The following RIGI variants were observed in gnomAD, a reference collection of about 807,000 sequenced individuals.
RIGI encodes RNA sensor RIG-I.
the RIGI span, chr9:32,466,500 C>A: frequency 7.0e-7 from 1 of 1,435,228 alleles, no homozygotes. Flanking sequence ...ATATAATCTG[C>A]AAATAGGTAA....
At chr9:32,507,881 T>G in the RIGI span, among the ~76,000 whole-genome samples, 1 of 152,154 alleles carries the variant, frequency 6.6e-6, no homozygotes, top group African/African-American at 2.4e-5. Context: ...TGGATTCTGC[T>G]TTCTGACTCA....
the RIGI span, among the ~76,000 whole-genome samples, chr9:32,498,982 C>CAAAAA: frequency 1.0e-5 from 1 of 97,588 alleles, no homozygotes; most frequent in African/African-American, 3.9e-5. Context: ...GACTCTGTCT[C>CAAAAA]AAAAAAAAAA....
chr9:32,479,776 G>C, the RIGI span, among the ~76,000 whole-genome samples: 1 of 150,840 alleles, frequency 6.6e-6, no homozygotes, highest in African/African-American at 2.4e-5. Context: ...GGCAGAGGTT[G>C]CAGTGAGCCA....
At chr9:32,487,636 G>C in the RIGI span, 1 of 1,611,970 alleles carries the variant, frequency 6.2e-7, no homozygotes, top group Non-Finnish European at 8.5e-7. Context: ...CCAATGACCT[G>C]TAAGGAGCAT....
chr9:32,471,582 C>T, the RIGI span, among the ~76,000 whole-genome samples: 4 of 152,108 alleles, frequency 2.6e-5, no homozygotes, highest in African/African-American at 7.2e-5. Context: ...GGATGCTATG[C>T]GAATGTGGAA....
the RIGI span, among the ~76,000 whole-genome samples, chr9:32,479,090 C>G: frequency 6.6e-6 from 1 of 152,098 alleles, no homozygotes; most frequent in Non-Finnish European, 1.5e-5. Context: ...AAACTATATA[C>G]CAACAACCAT....
chr9:32,493,618 G>A, the RIGI span: 84 of 551,140 alleles, frequency 1.5e-4, no homozygotes, highest in South Asian at 6.0e-4. Flanking sequence ...GCGAGACTCC[G>A]TCTCAAAAAA....
At chr9:32,488,821 T>C in the RIGI span, 1 of 1,613,398 alleles carries the variant, frequency 6.2e-7, no homozygotes. Context: ...TTTCCCCTTT[T>C]GTCCTTGTGG....
At chr9:32,523,603 G>A in the RIGI span, among the ~76,000 whole-genome samples, 2 of 151,990 alleles carry the variant, frequency 1.3e-5, no homozygotes, top group East Asian at 1.9e-4. Context: ...TTCCAAATGT[G>A]TCTTGAATCC....
the RIGI span, among the ~76,000 whole-genome samples, chr9:32,458,452 T>C: frequency 6.6e-6 from 1 of 152,230 alleles, no homozygotes; most frequent in African/African-American, 2.4e-5. Flanking sequence ...TTTGTTTTTC[T>C]GTAGCAAGGT....
the RIGI span, among the ~76,000 whole-genome samples, chr9:32,502,869 G>A: frequency 6.6e-6 from 1 of 152,140 alleles, no homozygotes; most frequent in Non-Finnish European, 1.5e-5. Flanking sequence ...TTTTCTTAGA[G>A]GGACACCAGT....
At chr9:32,474,202 C>CA in the RIGI span, among the ~76,000 whole-genome samples, 1,130 of 50,096 alleles carry the variant, frequency 0.023, 56 homozygotes, top group African/African-American at 0.025. Context: ...GACCCTGTCT[C>CA]AAAAAAAAAA....
the RIGI span, chr9:32,500,778 A>T: frequency 3.1e-6 from 5 of 1,603,210 alleles, no homozygotes; most frequent in Non-Finnish European, 4.2e-6. Context: ...ATATCCTCTG[A>T]TTTGTGATTA....
chr9:32,477,110 C>T, the RIGI span: 2 of 1,613,544 alleles, frequency 1.2e-6, no homozygotes, highest in Non-Finnish European at 1.7e-6. Context: ...CCTGGAAACA[C>T]TTTCTAGTTC....
the RIGI span, chr9:32,491,458 A>G: frequency 6.6e-7 from 1 of 1,521,120 alleles, no homozygotes; most frequent in African/African-American, 1.4e-5. Context: ...TCTTCACATA[A>G]TCTGATTATA....
chr9:32,459,385 C>T, the RIGI span: 17 of 1,613,498 alleles, frequency 1.1e-5, no homozygotes, highest in East Asian at 2.2e-5. Context: ...ATCACTCTTA[C>T]GTCAGCTGTG....
At chr9:32,487,845 G>T in the RIGI span, 7 of 1,417,288 alleles carry the variant, frequency 4.9e-6, no homozygotes, top group Non-Finnish European at 6.7e-6. Context: ...TATGGACTTG[G>T]GACCTGAGAA....
the RIGI span, chr9:32,480,407 T>C: frequency 6.8e-7 from 1 of 1,471,620 alleles, no homozygotes; most frequent in Non-Finnish European, 9.2e-7. Flanking sequence ...ACACATTCAC[T>C]GTATTTAAGT....
chr9:32,507,323 TGGA>T, the RIGI span, among the ~76,000 whole-genome samples: 39 of 152,302 alleles, frequency 2.6e-4, no homozygotes, highest in Admixed American at 3.9e-4. Context: ...TTTTAAGAAT[TGGA>T]GGAGAAGGAT....
Sources: gnomAD v4.1 joint callset for allele counts (sites outside exome capture counted in the v4.1 genomes callset) on GRCh38, gnomAD v4.1.1 for gene constraint, MANE v1.5 for transcripts, NCBI Gene and HGNC (gene_info 2026-07-23, HGNC 2026-07-21) for gene names.